Variants in DCLK1 observed in about 807,000 individuals in gnomAD.
DCLK1 encodes the protein serine/threonine-protein kinase DCLK1.
A neutral mutation model predicts 86.2 loss-of-function variants in DCLK1; 16 were observed. The observed-to-expected ratio is 0.19, with a 90% CI of 0.13 to 0.28. DCLK1 has a LOEUF of 0.28. DCLK1 is among the 10% of genes least tolerant of loss of function. The pLI, the probability that DCLK1 is intolerant of heterozygous loss-of-function variation, is 1.00. For synonymous variants in DCLK1, 369 were observed against 370.5 expected, an observed-to-expected ratio of 1.00 and a Z score of 0.05; for missense variants, 590 against 940.2, an observed-to-expected ratio of 0.63 and a Z score of 4.87.
Position 35,774,085 on chromosome 13 carries a change from C to G in DCLK1, c.*450G>C, listed in dbSNP as rs1450703980. On this transcript the variant is annotated 3_prime_UTR_variant, in exon 17 of 17. Transcript: ENST00000360631. ...ATATCATTCTAAATGTCCTTCTTTT[C>G]TGGACATTTCAGCATCTAACAACAC... The G allele has an allele frequency of 6.5e-6, 1 of 154,950 alleles. No individual in the cohort carries two copies. Among genetic ancestry groups the G allele is most frequent in the African/African-American group, 2.4e-5 (1 of 41,490 alleles). 9.6% of individuals were successfully genotyped at this position (154,950 alleles called of 1,614,324 possible). A position where few individuals can be genotyped will look rare whatever the true frequency, so the allele number is the denominator to read the frequency against.
chr13:36,067,649 C>G (rs1029666394), intron 3 of DCLK1, among the ~76,000 whole-genome samples: 2 of 152,148 alleles, frequency 1.3e-5, no homozygotes, highest in Non-Finnish European at 2.9e-5. Context: ...AATTCAGAAA[C>G]TAAGGCCTTA....
intron 5 of DCLK1, among the ~76,000 whole-genome samples, chr13:35,863,321 C>T (rs912340760): frequency 6.6e-6 from 1 of 152,076 alleles, no homozygotes; most frequent in African/African-American, 2.4e-5. Flanking sequence ...ATCTTTGCAC[C>T]CTTGGGACCT....
chr13:36,108,873 A>T (rs1885506698), intron 3 of DCLK1, among the ~76,000 whole-genome samples: 1 of 152,218 alleles, frequency 6.6e-6, no homozygotes, highest in Non-Finnish European at 1.5e-5. Flanking sequence ...CGATGCCACC[A>T]CAGGCAGGCC....
At chr13:35,809,934 A>T (rs2087107450) in intron 12 of DCLK1, among the ~76,000 whole-genome samples, 1 of 152,208 alleles carries the variant, frequency 6.6e-6, no homozygotes, top group Non-Finnish European at 1.5e-5. Flanking sequence ...AACTGGTCAC[A>T]GGGGAGAGTG....
chr13:36,126,932 T>C lies in DCLK1; in HGVS notation c.-19-776A>G, dbSNP rs78577735. On this transcript the variant is annotated intron_variant, in intron 1 of 16. Coordinates refer to ENST00000360631, the MANE Select transcript of DCLK1 (RefSeq NM_001330071.2). ...CCAAGTAATACAGTTGAGAAATGCTTGTACCAGCAACTCTGTTCCAGGTTT... is the reference window on the plus strand; with the variant it reads ...CCAAGTAATACAGTTGAGAAATGCTCGTACCAGCAACTCTGTTCCAGGTTT... 3.1e-3 allele frequency among the ~76,000 whole-genome samples: 471 copies of C among 152,360 alleles called. 1 individual carries two copies. The highest frequency in any genetic ancestry group is 0.011 in the African/African-American group (451 of 41,586).
intron 3 of DCLK1, among the ~76,000 whole-genome samples, chr13:36,004,947 C>A (rs1880885864): frequency 6.6e-6 from 1 of 152,152 alleles, no homozygotes; most frequent in Admixed American, 6.5e-5. Context: ...GCTTTATTTA[C>A]TTTAAATGTA....
In DCLK1 at chr13:36,043,987, A is replaced by G. The variant is rs866302771; in HGVS notation, c.723+67882T>C. Reference sequence around the variant, plus strand: ...TGTCCCCTCCAAATCTCATATTGAAATCTGATCCCCCATGTTGGAGAGGGG... The same window carrying G: ...TGTCCCCTCCAAATCTCATATTGAAGTCTGATCCCCCATGTTGGAGAGGGG... On this transcript the variant is annotated intron_variant, in intron 3 of 16. Transcript: ENST00000360631. Among the ~76,000 whole-genome samples, 3 of 152,294 alleles carry G rather than the reference A, an allele frequency of 2.0e-5. No homozygotes were observed. The Middle Eastern group carries it at 0.01, about 518-fold the overall frequency.
At chr13:35,925,182 C>T (rs1022199151) in intron 4 of DCLK1, among the ~76,000 whole-genome samples, 2 of 152,142 alleles carry the variant, frequency 1.3e-5, no homozygotes, top group African/African-American at 2.4e-5. Context: ...ATTGGCCTGT[C>T]GTCTTTGGAA....
Position 35,774,599 on chromosome 13 carries a change from G to C in DCLK1, c.2159C>G (p.Ser720Trp). The stretch of plus-strand genomic sequence containing the variant: ...GCTTGGGGAGTAGTCTTCCGATTCC[G>C]AGTTGAGTTCGGGAGGAGCTGGCTG... Reference protein sequence around the residue: ...KAQPAPPELNSESEDYSPSSS... With the variant: ...KAQPAPPELNWESEDYSPSSS... The change falls in exon 17 of 17, where the codon TCG (serine) becomes TGG (tryptophan). Residue 720 changes from serine to tryptophan, a missense_variant. By Grantham distance (177) the Ser-to-Trp change is radical. Coordinates refer to ENST00000360631, the MANE Select transcript of DCLK1 (RefSeq NM_001330071.2). 6.3e-7 allele frequency: 1 copy of C among 1,589,350 alleles called. No individual in the cohort carries two copies. The highest frequency in any genetic ancestry group is 8.6e-7 in the Non-Finnish European group (1 of 1,166,416).
chr13:36,013,336 GT>G (rs1156953412), intron 3 of DCLK1, among the ~76,000 whole-genome samples: 1 of 150,936 alleles, frequency 6.6e-6, no homozygotes, highest in Non-Finnish European at 1.5e-5. Flanking sequence ...TTTCTGTTCT[GT>G]TTTTTCCCCA....
intron 3 of DCLK1, among the ~76,000 whole-genome samples, chr13:35,950,754 G>A (rs918771106): frequency 2.6e-5 from 4 of 152,118 alleles, no homozygotes; most frequent in Non-Finnish European, 4.4e-5. Context: ...CTGTGGAGAA[G>A]CACCTTTCCA....
intron 4 of DCLK1, among the ~76,000 whole-genome samples, chr13:35,914,978 A>C (rs1345893873): frequency 6.6e-6 from 1 of 152,206 alleles, no homozygotes; most frequent in Non-Finnish European, 1.5e-5. Flanking sequence ...TTGTTTTATG[A>C]GGCAATAAGG....
chr13:35,978,198 C>CT (rs1879447800), intron 3 of DCLK1, among the ~76,000 whole-genome samples: 1 of 112,146 alleles, frequency 8.9e-6, no homozygotes, highest in African/African-American at 3.4e-5. Flanking sequence ...TTTTTCTTTT[C>CT]TTTTCTTTTT....
At chr13:35,907,638 C>T (rs1874760399) in intron 4 of DCLK1, among the ~76,000 whole-genome samples, 1 of 152,036 alleles carries the variant, frequency 6.6e-6, no homozygotes, top group Non-Finnish European at 1.5e-5. Flanking sequence ...TGGGGAAAGG[C>T]AGGATAGGAC....
At chr13:36,100,772 C>T (rs1054471731) in intron 3 of DCLK1, among the ~76,000 whole-genome samples, 2 of 152,102 alleles carry the variant, frequency 1.3e-5, no homozygotes, top group African/African-American at 4.8e-5. Context: ...AGTCTCTTAA[C>T]CTCCCAGGCT....
At chr13:35,812,104 G>C (rs1177104882) in intron 11 of DCLK1, among the ~76,000 whole-genome samples, 1 of 152,158 alleles carries the variant, frequency 6.6e-6, no homozygotes, top group African/African-American at 2.4e-5. Flanking sequence ...ATCAAGAAAA[G>C]GATGCATGTG....
chr13:35,889,066 G>C (rs978289365), intron 4 of DCLK1, among the ~76,000 whole-genome samples: 1 of 152,108 alleles, frequency 6.6e-6, no homozygotes, highest in East Asian at 1.9e-4. Flanking sequence ...TTAGAAAACA[G>C]ATAATCTTGT....
At chr13:36,019,040 CTAA>C (rs1881651703) in intron 3 of DCLK1, among the ~76,000 whole-genome samples, 1 of 152,166 alleles carries the variant, frequency 6.6e-6, no homozygotes, top group Non-Finnish European at 1.5e-5. Context: ...AACTTTGCAT[CTAA>C]TTGGCATGCA....
chr13:35,808,991 C>G (rs200229802), intron 13 of DCLK1, 27 bp downstream of exon 13: 1 of 1,598,662 alleles, frequency 6.3e-7, no homozygotes, highest in Admixed American at 1.7e-5. Context: ...GCTTTGTCGG[C>G]GCTGAATAAA....
Sources: allele counts gnomAD v4.1 joint callset (sites outside exome capture counted in the v4.1 genomes callset), GRCh38; gene constraint gnomAD v4.1.1; transcripts MANE v1.5; gene names NCBI Gene and HGNC (gene_info 2026-07-23, HGNC 2026-07-21).